The following NAALADL2 variants were observed in gnomAD, a reference collection of about 807,000 sequenced individuals.
NAALADL2 encodes N-acetylated alpha-linked acidic dipeptidase like 2.
A neutral mutation model predicts 87.2 loss-of-function variants in NAALADL2; 76 were observed. The observed-to-expected ratio is 0.87, with a 90% confidence interval of 0.72 to 1.05. NAALADL2 has a LOEUF of 1.05. Among genes scored for constraint, NAALADL2 ranks in the 50% least tolerant of loss-of-function variants. NAALADL2 has a pLI of 0.00. For missense variants in NAALADL2, 1,089 were observed against 945.8 expected, an observed-to-expected ratio of 1.15 and a Z score of -1.99; for synonymous variants, 354 against 331.0, an observed-to-expected ratio of 1.07 and a Z score of -0.75.
At chr3:175,177,847 A>ATGTGTGTGTGTG (rs3066287) in intron 2 of NAALADL2, among the ~76,000 whole-genome samples, 2 of 151,108 alleles carry the variant, frequency 1.3e-5, no homozygotes, top group Non-Finnish European at 1.5e-5. Context: ...GTGTGTGTGT[A>ATGTGTGTGTGTG]TGTGTGTGTG....
intron 2 of NAALADL2, among the ~76,000 whole-genome samples, chr3:174,673,162 T>G (rs969769836): frequency 1.3e-5 from 2 of 152,116 alleles, no homozygotes; most frequent in African/African-American, 4.8e-5. Flanking sequence ...TAATTTCAAC[T>G]TATTCAAAAG....
chr3:174,773,464 C>A (rs1208990627), intron 3 of NAALADL2, among the ~76,000 whole-genome samples: 1 of 152,070 alleles, frequency 6.6e-6, no homozygotes. Flanking sequence ...GATAGACTCT[C>A]CATCCCTTTA....
intron 1 of NAALADL2, among the ~76,000 whole-genome samples, chr3:174,985,464 T>C (rs1434368343): frequency 6.6e-6 from 1 of 152,160 alleles, no homozygotes; most frequent in Non-Finnish European, 1.5e-5. Context: ...ACTGTGACTG[T>C]TAAATGGGCA....
At chr3:175,267,722 G>A (rs1254066050) in intron 4 of NAALADL2, among the ~76,000 whole-genome samples, 3 of 152,044 alleles carry the variant, frequency 2.0e-5, no homozygotes, top group Non-Finnish European at 4.4e-5. Context: ...TTTGCATCAC[G>A]TGTACATGAG....
chr3:175,284,445 C>T (rs1754733351), intron 4 of NAALADL2, among the ~76,000 whole-genome samples: 1 of 151,720 alleles, frequency 6.6e-6, no homozygotes, highest in African/African-American at 2.4e-5. Context: ...AAATAAGTCT[C>T]ATATTTCTTA....
intron 2 of NAALADL2, among the ~76,000 whole-genome samples, chr3:175,130,610 CTATTGTG>C (rs1382400940): frequency 7.2e-5 from 11 of 152,266 alleles, no homozygotes; most frequent in African/African-American, 2.6e-4. Flanking sequence ...TATCTTTTCT[CTATTGTG>C]TATTCTTGGC....
intron 2 of NAALADL2, among the ~76,000 whole-genome samples, chr3:174,577,982 A>G (rs28413025): frequency 0.028 from 4,315 of 152,168 alleles, 228 homozygotes; most frequent in African/African-American, 0.099. Context: ...TACAAAATTT[A>G]AAAGAAAAAT....
chr3:174,446,500 A>G lies in NAALADL2; in HGVS notation c.-184+5468A>G, dbSNP rs184162230. On this transcript the variant is annotated intron_variant, in intron 1 of 3. Transcript: ENST00000434257. ...AGTCTGTGCTTTTGTACTCCTGTTCATCAAGTACAATTATCATTGGTGATA... is the reference window on the plus strand; with the variant it reads ...AGTCTGTGCTTTTGTACTCCTGTTCGTCAAGTACAATTATCATTGGTGATA... Among the ~76,000 whole-genome samples the G allele has an allele frequency of 3.9e-3, 589 of 152,320 alleles. 2 individuals are homozygous for G. The highest frequency in any genetic ancestry group is 8.5e-3 in the Admixed American group (130 of 15,300).
chr3:175,188,250 A>G (rs1181810688), intron 2 of NAALADL2, among the ~76,000 whole-genome samples: 2 of 152,214 alleles, frequency 1.3e-5, no homozygotes, highest in Admixed American at 6.5e-5. Context: ...AAAATACTAT[A>G]TAGATCTTAA....
intron 2 of NAALADL2, among the ~76,000 whole-genome samples, chr3:174,712,603 GTCTCGA>G (rs1198098040): frequency 6.6e-6 from 1 of 151,432 alleles, no homozygotes; most frequent in East Asian, 1.9e-4. Context: ...AGCCAGGATG[GTCTCGA>G]TCTCCTGACT....
At chr3:174,910,022 G>T (rs1173697289) in intron 1 of NAALADL2, among the ~76,000 whole-genome samples, 1 of 152,048 alleles carries the variant, frequency 6.6e-6, no homozygotes, top group African/African-American at 2.4e-5. Flanking sequence ...GCAATGTATT[G>T]TATTTGCAAT....
chr3:175,558,751 G>A lies in NAALADL2; in HGVS notation c.1654-17290G>A, dbSNP rs113494982. Among the ~76,000 whole-genome samples the A allele has an allele frequency of 4.5e-3, 678 of 151,964 alleles. 7 individuals carry two copies. Among genetic ancestry groups the A allele is most frequent in the African/African-American group, 0.015 (603 of 41,452 alleles). On this transcript the variant is annotated intron_variant, in intron 9 of 13. Transcript: ENST00000454872. ...TTTACTGTATATGTATGAGTTTATC[G>A]GTGGATTCTCTATTCTGTTCCACTG...
chr3:174,572,120 C>T (rs1035700904), intron 2 of NAALADL2, among the ~76,000 whole-genome samples: 1 of 152,006 alleles, frequency 6.6e-6, no homozygotes, highest in Non-Finnish European at 1.5e-5. Context: ...TTCTCTTCTT[C>T]TTCCTTCTTC....
chr3:175,300,604 G>C (rs978292559), intron 4 of NAALADL2, among the ~76,000 whole-genome samples: 2 of 151,866 alleles, frequency 1.3e-5, no homozygotes. Flanking sequence ...TCTGATGGTA[G>C]TTTGTATTTC....
At chr3:175,011,093 C>A (rs1458504902) in intron 1 of NAALADL2, among the ~76,000 whole-genome samples, 1 of 152,078 alleles carries the variant, frequency 6.6e-6, no homozygotes, top group Non-Finnish European at 1.5e-5. Flanking sequence ...GCATAACTCA[C>A]CTCTCATTCT....
chr3:175,453,051 CT>C (rs1721813286), intron 6 of NAALADL2, among the ~76,000 whole-genome samples: 1 of 152,030 alleles, frequency 6.6e-6, no homozygotes, highest in South Asian at 2.1e-4. Context: ...TGCTAAAAGA[CT>C]TAAAGACAAC....
At chr3:175,031,331 T>C (rs1205470732) in intron 1 of NAALADL2, among the ~76,000 whole-genome samples, 2 of 152,070 alleles carry the variant, frequency 1.3e-5, no homozygotes, top group Non-Finnish European at 2.9e-5. Flanking sequence ...TTTATGTTCA[T>C]GTGTACTCAA....
At chr3:175,638,726 T>C (rs1420724195) in intron 11 of NAALADL2, among the ~76,000 whole-genome samples, 1 of 152,194 alleles carries the variant, frequency 6.6e-6, no homozygotes, top group East Asian at 1.9e-4. Context: ...ATAACTATTT[T>C]CCAGAAACCA....
Position 175,017,363 on chromosome 3 carries a change from G to T in NAALADL2, c.44-79427G>T, listed in dbSNP as rs555577097. Among the ~76,000 whole-genome samples the T allele has an allele frequency of 2.0e-5, 3 of 152,172 alleles. No homozygotes were observed. The South Asian group carries it at 6.2e-4, about 32-fold the overall frequency. On this transcript the variant is annotated intron_variant, in intron 1 of 13. Transcript: ENST00000454872. Reference sequence around the variant, plus strand: ...GCGAATCTTCACAACCATCCTTCAAGGTGGATGGAGATAATTTGCTGAAGG... The same window carrying T: ...GCGAATCTTCACAACCATCCTTCAATGTGGATGGAGATAATTTGCTGAAGG...
Sources: allele counts gnomAD v4.1 joint callset (sites outside exome capture counted in the v4.1 genomes callset), GRCh38; gene constraint gnomAD v4.1.1; transcripts MANE v1.5; gene names NCBI Gene and HGNC (gene_info 2026-07-23, HGNC 2026-07-21).